The following CDH7 variants were observed in gnomAD, a reference collection of about 807,000 sequenced individuals.
CDH7 encodes the protein cadherin-7.
Under a neutral mutation model 71.8 loss-of-function variants are expected in CDH7, and 25 were observed. The ratio of observed to expected loss-of-function variants is 0.35; its 90% CI spans 0.25 to 0.49. The LOEUF (loss-of-function observed/expected upper bound fraction) is 0.49, where lower values mean the gene tolerates loss of function less well. Ranked by LOEUF, CDH7 falls within the 20% of genes least tolerant of loss-of-function variation. The pLI, the probability that CDH7 is intolerant of heterozygous loss-of-function variation, is 0.99. For missense variants in CDH7, 862 were observed against 974.6 expected, an observed-to-expected ratio of 0.88 and a Z score of 1.54; for synonymous variants, 381 against 363.8, an observed-to-expected ratio of 1.05 and a Z score of -0.54.
rs1325341593 is a variant in CDH7, at chr18:65,890,211, T to C, written c.*9317T>C. The C allele has an allele frequency of 6.6e-6, 1 of 152,214 alleles. No individual in the cohort carries two copies. Among genetic ancestry groups the C allele is most frequent in the Non-Finnish European group, 1.5e-5 (1 of 68,040 alleles). The allele number at this position is 152,214 out of a possible 1,614,324, so 9.4% of individuals were successfully genotyped here. On this transcript the variant is annotated 3_prime_UTR_variant, in exon 12 of 12. Transcript: ENST00000397968. ...AGCTTAATGGTCCATTTAACCAATATTGTTATAAATTTATGAAGCTTCAAT... is the reference window on the plus strand; with the variant it reads ...AGCTTAATGGTCCATTTAACCAATACTGTTATAAATTTATGAAGCTTCAAT...
chr18:65,842,751 A>G (rs920921203), intron 6 of CDH7, among the ~76,000 whole-genome samples: 5 of 152,204 alleles, frequency 3.3e-5, no homozygotes, highest in African/African-American at 7.2e-5. Context: ...CTGAATTACA[A>G]TTCTTAGTAT....
chr18:65,854,932 T>TATATATATATAC (rs67623413), intron 7 of CDH7, among the ~76,000 whole-genome samples: 3,105 of 148,718 alleles, frequency 0.021, 90 homozygotes, highest in East Asian at 0.11. Flanking sequence ...TATATATATA[T>TATATATATATAC]ACACACACAT....
intron 11 of CDH7, among the ~76,000 whole-genome samples, chr18:65,868,150 GATA>G (rs781322247): frequency 6.6e-6 from 1 of 152,204 alleles, no homozygotes; most frequent in Non-Finnish European, 1.5e-5. Flanking sequence ...CAGCCCTAGA[GATA>G]ATAATGTGCA....
chr18:65,876,870 T>C (rs1459312261), intron 11 of CDH7, among the ~76,000 whole-genome samples: 1 of 152,188 alleles, frequency 6.6e-6, no homozygotes, highest in Non-Finnish European at 1.5e-5. Flanking sequence ...GATATGTAAA[T>C]TCCTGAACAA....
rs190739697 is a variant in CDH7, at chr18:65,847,741, C to A, written c.1235+3676C>A. On this transcript the variant is annotated intron_variant, in intron 7 of 11. Coordinates refer to ENST00000397968, the MANE Select transcript of CDH7 (RefSeq NM_004361.5). Reference sequence around the variant, plus strand: ...ATCATAGATGGAAAGATTAAAAAAACCCAAACCCCAGTAACTGGCCAGAAC... The same window carrying A: ...ATCATAGATGGAAAGATTAAAAAAAACCAAACCCCAGTAACTGGCCAGAAC... 5.5e-4 allele frequency among the ~76,000 whole-genome samples: 84 copies of A among 152,182 alleles called. 3 individuals are homozygous for A. Among genetic ancestry groups the A allele is most frequent in the Admixed American group, 5.1e-3 (78 of 15,256 alleles).
chr18:65,837,994 G>A (rs1300504518), intron 6 of CDH7, among the ~76,000 whole-genome samples: 3 of 144,556 alleles, frequency 2.1e-5, no homozygotes, highest in East Asian at 2.0e-4. Context: ...GTACAATCTC[G>A]GCTCACTGCA....
At chr18:65,863,295 C>A in intron 11 of CDH7, 1 of 224,596 alleles carries the variant, frequency 4.5e-6, no homozygotes, top group Non-Finnish European at 8.9e-6. Context: ...ACCTTGGCCT[C>A]CCAAAGTGCT....
At chr18:65,801,830 A>T (rs1356415588) in intron 2 of CDH7, among the ~76,000 whole-genome samples, 1 of 152,098 alleles carries the variant, frequency 6.6e-6, no homozygotes, top group African/African-American at 2.4e-5. Flanking sequence ...CCAAATGCAG[A>T]CTCTAAAATT....
rs2144031993 is a variant in CDH7 at position 65,859,708 on chromosome 18, G to T, written c.1495G>T (p.Val499Phe). Residue 499 changes from valine (V) to phenylalanine (F), a missense_variant and splice_region_variant, in exon 10 of 12, where the codon GTT becomes TTT. Val to Phe is a conservative substitution (Grantham distance 50, BLOSUM62 -1). Coordinates refer to ENST00000397968, the MANE Select transcript of CDH7 (RefSeq NM_004361.5). ...TVCENAQPGQVIQKISAVDKD... is the reference protein window; with the variant it reads ...TVCENAQPGQFIQKISAVDKD... ...CATCTTTTACTTTCTCTTTTCCTAGGTTATCCAGAAAATCAGTGCTGTGGA... is the reference window on the plus strand; with the variant it reads ...CATCTTTTACTTTCTCTTTTCCTAGTTTATCCAGAAAATCAGTGCTGTGGA... The T allele has an allele frequency of 6.3e-7, 1 of 1,579,178 alleles. No homozygotes were observed. The highest frequency in any genetic ancestry group is 8.7e-7 in the Non-Finnish European group (1 of 1,148,464).
At position 65,844,045 on chromosome 18, in the gene CDH7, T is replaced by C. The variant is rs373309532; in HGVS notation, c.1215T>C (p.Asp405=). The C allele has an allele frequency of 1.9e-6, 3 of 1,613,024 alleles. No homozygotes were observed. Among genetic ancestry groups the C allele is most frequent in the Non-Finnish European group, 1.7e-6 (2 of 1,179,362 alleles). ...IIGTVAAHDP[D]SSNSPVRYSI... ...GCACTGTAGCAGCTCATGACCCAGA[T>C]TCTTCCAATAGCCCTGTGAGGTAAA... The change falls in exon 7 of 12, where the codon GAT becomes GAC. Residue 405 remains aspartate, a synonymous_variant. Coordinates refer to ENST00000397968, the MANE Select transcript of CDH7 (RefSeq NM_004361.5).
intron 7 of CDH7, 62 bp downstream of exon 7, chr18:65,844,127 C>A: frequency 1.4e-6 from 2 of 1,383,926 alleles, no homozygotes; most frequent in Non-Finnish European, 2.0e-6. Flanking sequence ...GTTCACAACT[C>A]TTATTTTACG....
intron 5 of CDH7, 53 bp downstream of exon 5, chr18:65,822,301 T>C: frequency 7.2e-7 from 1 of 1,390,654 alleles, no homozygotes; most frequent in Non-Finnish European, 1.0e-6. Flanking sequence ...TGAAAGTCTA[T>C]AAAATACATC....
In CDH7 at chr18:65,889,311, CTG is replaced by C. The variant is rs1914449231; in HGVS notation, c.*8419_*8420del. 6.6e-6 allele frequency: 1 copy of C among 152,144 alleles called. No homozygotes were observed. Among genetic ancestry groups the C allele is most frequent in the Non-Finnish European group, 1.5e-5 (1 of 68,032 alleles). 9.4% of individuals were successfully genotyped at this position (152,144 alleles called of 1,614,324 possible). ...AAAAGCTAAATCTTATGAAGCTAAA[CTG>C]TCAACAAACAGTTCCACTGAAGTTG... On this transcript the variant is annotated 3_prime_UTR_variant, in exon 12 of 12. Coordinates refer to ENST00000397968, the MANE Select transcript of CDH7 (RefSeq NM_004361.5).
intron 1 of CDH7, among the ~76,000 whole-genome samples, chr18:65,752,077 A>G (rs951326319): frequency 6.6e-6 from 1 of 152,228 alleles, no homozygotes; most frequent in Non-Finnish European, 1.5e-5. Flanking sequence ...TGTACTTATA[A>G]CATCTTTTGC....
intron 8 of CDH7, 80 bp downstream of exon 8, chr18:65,858,032 G>A: frequency 7.4e-7 from 1 of 1,343,224 alleles, no homozygotes; most frequent in South Asian, 1.4e-5. Flanking sequence ...GTAAATTCAA[G>A]TTAATTAAAG....
intron 11 of CDH7, among the ~76,000 whole-genome samples, chr18:65,872,902 T>G (rs1353394239): frequency 5.3e-5 from 8 of 151,420 alleles, no homozygotes; most frequent in Non-Finnish European, 3.0e-5. Flanking sequence ...AGATTAAAAT[T>G]AATTTTAAAA....
chr18:65,751,649 C>T (rs529294585), intron 1 of CDH7, among the ~76,000 whole-genome samples: 29 of 152,182 alleles, frequency 1.9e-4, no homozygotes, highest in Non-Finnish European at 3.4e-4. Flanking sequence ...CACCTTTTAC[C>T]TTTCGTGAAG....
At chr18:65,864,742 T>A (rs1301573442) in intron 11 of CDH7, among the ~76,000 whole-genome samples, 6 of 150,968 alleles carry the variant, frequency 4.0e-5, no homozygotes, top group Non-Finnish European at 5.9e-5. Context: ...CAAAAAAAAA[T>A]TAGCCAGGAG....
chr18:65,761,048 A>C (rs1376656553), intron 1 of CDH7, among the ~76,000 whole-genome samples: 1 of 152,124 alleles, frequency 6.6e-6, no homozygotes, highest in Non-Finnish European at 1.5e-5. Flanking sequence ...AAATGGAATA[A>C]ATTTATTTTT....
Sources: allele counts gnomAD v4.1 joint callset (sites outside exome capture counted in the v4.1 genomes callset), GRCh38; gene constraint gnomAD v4.1.1; transcripts MANE v1.5; gene names NCBI Gene and HGNC (gene_info 2026-07-23, HGNC 2026-07-21).